The following FXYD6 variants were observed in gnomAD, a reference collection of about 807,000 sequenced individuals.
The protein encoded by FXYD6 is FXYD domain-containing ion transport regulator 6.
FXYD6 carries 7 observed loss-of-function variants against 16.7 expected under a neutral mutation model. The observed-to-expected ratio is 0.42, with a 90% CI of 0.24 to 0.79. FXYD6 has a LOEUF of 0.79. FXYD6 is among the 30% of genes least tolerant of loss of function. The pLI, the probability that FXYD6 is intolerant of heterozygous loss-of-function variation, is 0.28. For synonymous variants in FXYD6, 49 were observed against 43.0 expected (o/e 1.14, Z -0.54); for missense variants, 111 against 116.2 (o/e 0.95, Z 0.21).
At chr11:117,850,913 A>T (rs1451022282) in intron 1 of FXYD6, among the ~76,000 whole-genome samples, 2 of 152,164 alleles carry the variant, frequency 1.3e-5, no homozygotes, top group Non-Finnish European at 2.9e-5. Flanking sequence ...TGTAAAAAAG[A>T]CCAAAAAAAT....
rs2056231054 is a variant in FXYD6 at position 117,837,671 on chromosome 11, T to C, written c.*628A>G. On this transcript the variant is annotated 3_prime_UTR_variant, in exon 8 of 8. Coordinates refer to ENST00000526014, the MANE Select transcript of FXYD6 (RefSeq NM_022003.4). The surrounding 1 kb of genome is among the most constrained non-coding windows in gnomAD (Gnocchi z 4.4). ...GGGCTCACCAGCTCCTTGCTTTGTATCTCCAGTTGCTAAGAGACCTTCAGA... is the reference window on the plus strand; with the variant it reads ...GGGCTCACCAGCTCCTTGCTTTGTACCTCCAGTTGCTAAGAGACCTTCAGA... 1 of 155,756 alleles carries C rather than the reference T, an allele frequency of 6.4e-6. No individual in the cohort carries two copies. The highest frequency in any genetic ancestry group is 2.4e-5 in the African/African-American group (1 of 41,518). The allele number at this position is 155,756 out of a possible 1,614,324, so 9.6% of individuals were successfully genotyped here.
At chr11:117,849,697 G>C (rs1286880748) in intron 1 of FXYD6, among the ~76,000 whole-genome samples, 1 of 151,996 alleles carries the variant, frequency 6.6e-6, no homozygotes, top group Admixed American at 6.6e-5. Flanking sequence ...CTTGCTTTTT[G>C]TTATTATATT....
chr11:117,863,215 C>T (rs948567821), intron 1 of FXYD6, among the ~76,000 whole-genome samples: 2 of 152,174 alleles, frequency 1.3e-5, no homozygotes, highest in African/African-American at 4.8e-5. Flanking sequence ...TTGCTGCCTC[C>T]CTGGCACATG....
At chr11:117,854,206 C>A (rs1202484701) in intron 1 of FXYD6, among the ~76,000 whole-genome samples, 5 of 152,142 alleles carry the variant, frequency 3.3e-5, no homozygotes, top group African/African-American at 1.2e-4. Flanking sequence ...GCCTTCAAAT[C>A]TTAGGGGCCA....
chr11:117,872,206 C>T lies in FXYD6; in HGVS notation c.-6+4386G>A, dbSNP rs936264923. 3.9e-5 allele frequency among the ~76,000 whole-genome samples: 6 copies of T among 152,044 alleles called. No homozygotes were observed. Among genetic ancestry groups the T allele is most frequent in the East Asian group, 1.9e-4 (1 of 5,184 alleles). On this transcript the variant is annotated intron_variant, in intron 1 of 7. Coordinates refer to ENST00000526014, the MANE Select transcript of FXYD6 (RefSeq NM_022003.4). This position sits in a 1 kb window ranked among gnomAD's most constrained non-coding sequence, Gnocchi z 4.9. ...CAGCTCTTCGGGAGAGGTGACAGGG[C>T]GTGTGAGAATGTGTGAGCCACTGCC...
At chr11:117,873,084 T>A (rs1443795056) in intron 1 of FXYD6, among the ~76,000 whole-genome samples, 1 of 152,052 alleles carries the variant, frequency 6.6e-6, no homozygotes. Context: ...AAAGGCCAGG[T>A]AGACCACAGC....
intron 1 of FXYD6, among the ~76,000 whole-genome samples, chr11:117,871,328 G>A (rs1391531681): frequency 1.3e-5 from 2 of 152,170 alleles, no homozygotes; most frequent in African/African-American, 4.8e-5. Context: ...ACCTCCTGGT[G>A]ATGAGGACTC....
At chr11:117,862,342 C>T (rs1217078301) in intron 1 of FXYD6, among the ~76,000 whole-genome samples, 1 of 152,172 alleles carries the variant, frequency 6.6e-6, no homozygotes, top group Non-Finnish European at 1.5e-5. Context: ...GTGCCTCCAC[C>T]ATGCCCTAGG....
chr11:117,849,627 C>T (rs2056557117), intron 1 of FXYD6, among the ~76,000 whole-genome samples: 2 of 152,006 alleles, frequency 1.3e-5, no homozygotes, highest in Admixed American at 1.3e-4. Context: ...AATGTATCCC[C>T]ATATTTGAAA....
chr11:117,851,788 C>A (rs765260139), intron 1 of FXYD6, among the ~76,000 whole-genome samples: 2 of 152,236 alleles, frequency 1.3e-5, no homozygotes, highest in African/African-American at 4.8e-5. Context: ...AGAGACCCTA[C>A]GGCGATCCCC....
intron 1 of FXYD6, among the ~76,000 whole-genome samples, chr11:117,850,767 A>G (rs954541840): frequency 4.7e-5 from 7 of 149,382 alleles, no homozygotes; most frequent in Non-Finnish European, 8.9e-5. Context: ...TGCTGGGATT[A>G]TAGGCATGAG....
At chr11:117,841,263 A>G in intron 4 of FXYD6, 79 bp from the exon 5 acceptor site, 1 of 1,602,276 alleles carries the variant, frequency 6.2e-7, no homozygotes, top group Non-Finnish European at 8.5e-7. Context: ...AGGTTGTGGG[A>G]CTATGTAAAT....
At chr11:117,839,146 G>A (rs957653714) in intron 7 of FXYD6, 2 of 152,844 alleles carry the variant, frequency 1.3e-5, no homozygotes, top group African/African-American at 2.4e-5. Flanking sequence ...TCTCATCTTG[G>A]TTTCACCTAT....
chr11:117,868,261 C>T (rs915331439), intron 1 of FXYD6, among the ~76,000 whole-genome samples: 1 of 152,122 alleles, frequency 6.6e-6, no homozygotes, highest in Non-Finnish European at 1.5e-5. Flanking sequence ...CTCCAATCAC[C>T]AGGCCTTGAA....
At chr11:117,838,463 G>C in intron 7 of FXYD6, 186 bp from the exon 8 acceptor site, 1 of 610,454 alleles carries the variant, frequency 1.6e-6, no homozygotes, top group Non-Finnish European at 2.9e-6. Context: ...TCCCAGGTGG[G>C]CTGGAGCCTG....
At chr11:117,862,778 C>T (rs890141940) in intron 1 of FXYD6, among the ~76,000 whole-genome samples, 1 of 152,220 alleles carries the variant, frequency 6.6e-6, no homozygotes, top group South Asian at 2.1e-4. Flanking sequence ...GGCCCTGTTC[C>T]TCCCTCCTCC....
At chr11:117,856,255 T>C (rs1252095479) in intron 1 of FXYD6, among the ~76,000 whole-genome samples, 1 of 151,704 alleles carries the variant, frequency 6.6e-6, no homozygotes. Flanking sequence ...TGCTCTATTA[T>C]TTTTGATTCC....
chr11:117,841,482 C>T (rs2056342204), intron 4 of FXYD6: 1 of 589,664 alleles, frequency 1.7e-6, no homozygotes, highest in South Asian at 2.0e-5. Context: ...CCCTCGCACA[C>T]TAGGGCAGCA....
intron 1 of FXYD6, among the ~76,000 whole-genome samples, chr11:117,850,880 G>A (rs906609253): frequency 3.3e-5 from 5 of 150,800 alleles, no homozygotes; most frequent in Non-Finnish European, 7.4e-5. Context: ...GGTCATCTTT[G>A]TAATTTTTCC....
Sources: gnomAD v4.1 joint callset for allele counts (sites outside exome capture counted in the v4.1 genomes callset) on GRCh38, gnomAD v4.1.1 for gene constraint, Gnocchi (gnomAD v3.1) non-coding constraint, MANE v1.5 for transcripts, NCBI Gene and HGNC (gene_info 2026-07-23, HGNC 2026-07-21) for gene names.